KCNIP4: variants seen among roughly 807,000 people sequenced by gnomAD.
KCNIP4 encodes the protein Kv channel-interacting protein 4.
KCNIP4 carries 12 observed loss-of-function variants against 34.0 expected under a neutral mutation model. The observed-to-expected ratio is 0.35, with a 90% CI of 0.23 to 0.57. The LOEUF (loss-of-function observed/expected upper bound fraction) is 0.57. KCNIP4 is among the 20% of genes least tolerant of loss of function. The probability of loss-of-function intolerance (pLI) is 0.83; values close to 1 mark genes in which losing one functional copy is unlikely to be tolerated. For synonymous variants in KCNIP4, 124 were observed against 102.2 expected, an observed-to-expected ratio of 1.21 and a Z score of -1.29; for missense variants, 238 against 311.7, an observed-to-expected ratio of 0.76 and a Z score of 1.78.
chr4:21,449,424 C>T (rs1407881083), intron 1 of KCNIP4, among the ~76,000 whole-genome samples: 2 of 152,042 alleles, frequency 1.3e-5, no homozygotes, highest in East Asian at 1.9e-4. Flanking sequence ...TACCTAATTT[C>T]GATCATTAGA....
intron 1 of KCNIP4, among the ~76,000 whole-genome samples, chr4:21,870,075 A>G (rs1337233359): frequency 6.6e-6 from 1 of 152,158 alleles, no homozygotes. Flanking sequence ...AGGAGGCCAT[A>G]CTAGCTGTTC....
At chr4:21,367,364 A>G (rs879095598) in intron 1 of KCNIP4, among the ~76,000 whole-genome samples, 5 of 152,026 alleles carry the variant, frequency 3.3e-5, no homozygotes, top group African/African-American at 9.7e-5. Context: ...CACCCACTTG[A>G]TTCTTTTCTA....
intron 3 of KCNIP4, among the ~76,000 whole-genome samples, chr4:20,774,971 T>A (rs1756247273): frequency 6.6e-6 from 1 of 152,174 alleles, no homozygotes; most frequent in South Asian, 2.1e-4. Context: ...CCCAGCACAA[T>A]CCCAATCGCA....
At chr4:21,818,970 C>T (rs1198757782) in intron 1 of KCNIP4, among the ~76,000 whole-genome samples, 1 of 152,162 alleles carries the variant, frequency 6.6e-6, no homozygotes, top group Non-Finnish European at 1.5e-5. Context: ...CAAAAGACAT[C>T]ACATCCTTTC....
At chr4:20,969,556 TTG>T (rs113668496) in intron 1 of KCNIP4, among the ~76,000 whole-genome samples, 5,055 of 149,462 alleles carry the variant, frequency 0.034, 271 homozygotes, top group African/African-American at 0.12. Context: ...GCGTGTGTGT[TTG>T]TGTGTGTGTG....
At chr4:21,598,350 C>G (rs1381349316) in intron 1 of KCNIP4, among the ~76,000 whole-genome samples, 2 of 152,016 alleles carry the variant, frequency 1.3e-5, no homozygotes, top group Non-Finnish European at 2.9e-5. Context: ...AGATCAAGGT[C>G]AGAAAACTTT....
intron 1 of KCNIP4, among the ~76,000 whole-genome samples, chr4:21,857,753 C>A (rs986793841): frequency 2.1e-4 from 32 of 152,192 alleles, no homozygotes; most frequent in African/African-American, 7.7e-4. Context: ...TCAGGTTCTG[C>A]TGAATGGCAG....
chr4:20,953,987 C>A (rs1002520647), intron 1 of KCNIP4, among the ~76,000 whole-genome samples: 1 of 152,160 alleles, frequency 6.6e-6, no homozygotes, highest in African/African-American at 2.4e-5. Flanking sequence ...AAACAGGTAT[C>A]CTTTCTGTGC....
intron 1 of KCNIP4, among the ~76,000 whole-genome samples, chr4:21,574,237 C>T (rs1740571743): frequency 6.6e-6 from 1 of 152,074 alleles, no homozygotes. Flanking sequence ...TTATCGTGTA[C>T]CTGAAATTTA....
At chr4:21,110,835 T>C (rs1238610599) in intron 1 of KCNIP4, among the ~76,000 whole-genome samples, 4 of 152,196 alleles carry the variant, frequency 2.6e-5, no homozygotes, top group African/African-American at 4.8e-5. Flanking sequence ...TCTTCGAGTG[T>C]CTCAATATTG....
chr4:21,572,773 T>C (rs1577618902), intron 1 of KCNIP4, among the ~76,000 whole-genome samples: 1 of 152,000 alleles, frequency 6.6e-6, no homozygotes, highest in African/African-American at 2.4e-5. Context: ...ATTACAGGCA[T>C]GTGCCACCAC....
chr4:21,073,480 T>C (rs1307377771), intron 1 of KCNIP4, among the ~76,000 whole-genome samples: 2 of 152,340 alleles, frequency 1.3e-5, no homozygotes, highest in East Asian at 1.9e-4. Context: ...TTTTTGCACA[T>C]TGATTCTGTA....
intron 1 of KCNIP4, among the ~76,000 whole-genome samples, chr4:21,684,452 C>T (rs1013178525): frequency 6.6e-6 from 1 of 152,094 alleles, no homozygotes; most frequent in Non-Finnish European, 1.5e-5. Context: ...ATATGGTTGT[C>T]TTTCCTAAAA....
intron 1 of KCNIP4, among the ~76,000 whole-genome samples, chr4:21,276,991 C>T (rs944821939): frequency 1.3e-5 from 2 of 152,146 alleles, no homozygotes; most frequent in African/African-American, 2.4e-5. Context: ...TGATAAAAGC[C>T]ATATGCTAAG....
At chr4:21,353,300 A>G (rs1718210208) in intron 1 of KCNIP4, among the ~76,000 whole-genome samples, 1 of 152,212 alleles carries the variant, frequency 6.6e-6, no homozygotes, top group Non-Finnish European at 1.5e-5. Context: ...GATGACTTTG[A>G]CGAATTGACA....
chr4:21,515,349 G>A (rs1734664696), intron 1 of KCNIP4, among the ~76,000 whole-genome samples: 1 of 152,104 alleles, frequency 6.6e-6, no homozygotes, highest in Non-Finnish European at 1.5e-5. Flanking sequence ...TAAGAAGTAG[G>A]AACTTTAGGC....
At position 21,044,556 on chromosome 4, in the gene KCNIP4, C is replaced by T. The variant is rs1314039231; in HGVS notation, c.62-161847G>A. ...CGATCTCTTGACCTCATGATCCACCCGCCTTGGCCTCCCAAAGTTCTGGGA... is the reference window on the plus strand; with the variant it reads ...CGATCTCTTGACCTCATGATCCACCTGCCTTGGCCTCCCAAAGTTCTGGGA... On this transcript the variant is annotated intron_variant, in intron 1 of 8. Transcript: ENST00000382152. 5.3e-5 allele frequency among the ~76,000 whole-genome samples: 8 copies of T among 152,072 alleles called. No homozygotes were observed. In the South Asian group the frequency reaches 8.3e-4, roughly 16 times the overall value.
intron 1 of KCNIP4, among the ~76,000 whole-genome samples, chr4:21,064,203 G>A (rs1744156485): frequency 6.6e-6 from 1 of 152,000 alleles, no homozygotes. Flanking sequence ...TATTTTTCAA[G>A]ATGAAATTAG....
At chr4:21,352,081 T>A (rs1039492669) in intron 1 of KCNIP4, among the ~76,000 whole-genome samples, 18 of 151,988 alleles carry the variant, frequency 1.2e-4, no homozygotes, top group Admixed American at 3.3e-4. Context: ...GCCCTAACCA[T>A]CCATCTCAAG....
Sources: gnomAD v4.1 joint callset for allele counts (sites outside exome capture counted in the v4.1 genomes callset) on GRCh38, gnomAD v4.1.1 for gene constraint, MANE v1.5 for transcripts, NCBI Gene and HGNC (gene_info 2026-07-23, HGNC 2026-07-21) for gene names.